Variants in BSPH1 observed in about 807,000 individuals in gnomAD.
BSPH1 encodes binder of sperm protein homolog 1.
A neutral mutation model predicts 22.5 loss-of-function variants in BSPH1; 21 were observed. That is an observed-to-expected ratio of 0.93 (90% CI 0.66 to 1.35). BSPH1 has a LOEUF of 1.35. Among genes scored for constraint, BSPH1 ranks in the 40% most tolerant of loss-of-function variants. BSPH1 has a pLI of 0.00. For missense variants in BSPH1, 141 were observed against 154.2 expected, an observed-to-expected ratio of 0.91 and a Z score of 0.45; for synonymous variants, 42 against 53.6, an observed-to-expected ratio of 0.78 and a Z score of 0.95.
At chr19:47,981,260 T>TG (rs5828323) in intron 1 of BSPH1, among the ~76,000 whole-genome samples, 104,021 of 152,032 alleles carry the variant, frequency 0.68, 36,073 homozygotes, top group African/African-American at 0.79. Context: ...GTTTCTGATA[T>TG]GAACACTATA....
At chr19:47,978,014 A>ATG in intron 3 of BSPH1, among the ~76,000 whole-genome samples, 1 of 144,206 alleles carries the variant, frequency 6.9e-6, no homozygotes, top group Non-Finnish European at 1.5e-5. Context: ...ATATATATAT[A>ATG]TATATATATA....
At chr19:47,980,150 G>C (rs2122250687) in intron 2 of BSPH1, among the ~76,000 whole-genome samples, 1 of 151,982 alleles carries the variant, frequency 6.6e-6, no homozygotes, top group South Asian at 2.1e-4. Flanking sequence ...GTTTTAATTG[G>C]TATGACACTT....
At chr19:47,972,586 T>C (rs1259691385) in intron 5 of BSPH1, among the ~76,000 whole-genome samples, 2 of 152,102 alleles carry the variant, frequency 1.3e-5, no homozygotes, top group African/African-American at 4.8e-5. Context: ...CTTGATATAG[T>C]TACGTGAACC....
intron 1 of BSPH1, among the ~76,000 whole-genome samples, chr19:47,981,407 T>C (rs1314964513): frequency 6.6e-6 from 1 of 152,192 alleles, no homozygotes; most frequent in Non-Finnish European, 1.5e-5. Flanking sequence ...CTCTGAGGTA[T>C]GTAGGAAATG....
At chr19:47,977,243 G>A (rs1438869998) in intron 4 of BSPH1, 130 bp downstream of exon 4, 1 of 661,920 alleles carries the variant, frequency 1.5e-6, no homozygotes, top group Non-Finnish European at 2.5e-6. Flanking sequence ...GTCAGAAATC[G>A]AACATCCTTT....
In BSPH1 at chr19:47,988,958, C is replaced by T. The variant is rs771532375; in HGVS notation, c.73+3051G>A. Among the ~76,000 whole-genome samples, 5 of 151,818 alleles carry T rather than the reference C, an allele frequency of 3.3e-5. No individual in the cohort carries two copies. In the South Asian group the frequency reaches 8.3e-4, roughly 25 times the overall value. On this transcript the variant is annotated intron_variant, in intron 1 of 5. Transcript: ENST00000344839. Reference sequence around the variant, plus strand: ...AGGCGTATAGCTGATTTAGCATGTGCCATACACATGGTCTGTTTCCTCTTC... The same window carrying T: ...AGGCGTATAGCTGATTTAGCATGTGTCATACACATGGTCTGTTTCCTCTTC...
intron 1 of BSPH1, among the ~76,000 whole-genome samples, chr19:47,986,460 C>T (rs771997460): frequency 2.0e-4 from 30 of 152,266 alleles, no homozygotes; most frequent in Non-Finnish European, 5.9e-5. Flanking sequence ...TTTTACTGGT[C>T]AGGCATGGTG....
chr19:47,986,514 G>A (rs1969472589), intron 1 of BSPH1, among the ~76,000 whole-genome samples: 1 of 152,040 alleles, frequency 6.6e-6, no homozygotes, highest in Non-Finnish European at 1.5e-5. Context: ...TGAGCCAGGA[G>A]GACTGCTTGA....
At position 47,977,391 on chromosome 19, in the gene BSPH1, TC is replaced by T. The variant is rs1299015725; in HGVS notation, c.237del (p.Trp79Ter). The T allele has an allele frequency of 1.6e-5, 25 of 1,552,224 alleles. No individual in the cohort carries two copies. The highest frequency in any genetic ancestry group is 3.9e-5 in the Admixed American group (2 of 51,002). ...CACTCACCTTCTGCACTGCAAAACT[TC>T]CAGTATCCTTCGTAGGTCTTGTTTA... ...CSLNKTYEGY[W>X]KFCSAEDFAN... On this transcript the variant is annotated frameshift_variant, in exon 4 of 6. Transcript: ENST00000344839. LOFTEE classifies it high-confidence loss of function.
In BSPH1 at chr19:47,974,269, C is replaced by CTCT. The variant is rs57733472; in HGVS notation, c.*2+2440_*2+2441insAGA. Among the ~76,000 whole-genome samples, 200 of 75,986 alleles carry CTCT rather than the reference C, an allele frequency of 2.6e-3. 3 individuals carry two copies. Among genetic ancestry groups the CTCT allele is most frequent in the African/African-American group, 9.7e-3 (179 of 18,516 alleles). 49.8% of individuals were successfully genotyped at this position (75,986 alleles called of 152,430 possible). A position where few individuals can be genotyped will look rare whatever the true frequency, so the allele number is the denominator to read the frequency against. On this transcript the variant is annotated intron_variant, in intron 5 of 5. Coordinates refer to ENST00000344839, the MANE Select transcript of BSPH1 (RefSeq NM_001128326.2). ...CCACAGCCACTTTCTCTCTCTCTCT[C>CTCT]TTTTTTTTTTTTTTTTTTGAGATGG...
intron 1 of BSPH1, among the ~76,000 whole-genome samples, chr19:47,989,900 C>G (rs2122269143): frequency 6.6e-6 from 1 of 152,094 alleles, no homozygotes; most frequent in East Asian, 1.9e-4. Flanking sequence ...GGGTGAATCA[C>G]CGAAGATCAG....
intron 1 of BSPH1, among the ~76,000 whole-genome samples, chr19:47,991,127 C>T (rs980732616): frequency 1.3e-5 from 2 of 152,108 alleles, no homozygotes; most frequent in African/African-American, 2.4e-5. Flanking sequence ...ATACAGCAGC[C>T]GATGTGCAGG....
At chr19:47,976,640 A>C in intron 5 of BSPH1, 70 bp downstream of exon 5, 1 of 1,308,998 alleles carries the variant, frequency 7.6e-7, no homozygotes, top group Non-Finnish European at 1.1e-6. Flanking sequence ...TCCTCTGCCA[A>C]CAAAAACTCT....
intron 1 of BSPH1, among the ~76,000 whole-genome samples, chr19:47,988,158 C>G (rs767192238): frequency 7.9e-5 from 12 of 152,080 alleles, no homozygotes; most frequent in Non-Finnish European, 1.6e-4. Context: ...TTGCACGATT[C>G]CACTTGTATG....
intron 5 of BSPH1, among the ~76,000 whole-genome samples, chr19:47,972,837 G>A (rs546457880): frequency 6.6e-5 from 10 of 151,566 alleles, no homozygotes; most frequent in Non-Finnish European, 1.3e-4. Context: ...GTGTGTGTGT[G>A]TGTATACCCA....
intron 5 of BSPH1, among the ~76,000 whole-genome samples, chr19:47,972,977 G>A (rs1368763308): frequency 3.3e-5 from 5 of 151,636 alleles, no homozygotes; most frequent in African/African-American, 1.2e-4. Context: ...CAGCACTTTG[G>A]GAGGCCGAGG....
chr19:47,981,780 T>A lies in BSPH1; in HGVS notation c.74-839A>T, dbSNP rs1187399867. 3 of 969,926 alleles carry A rather than the reference T, an allele frequency of 3.1e-6. No homozygotes were observed. The East Asian group carries it at 3.4e-4, about 110-fold the overall frequency. The allele number at this position is 969,926 out of a possible 1,614,324, so 60.1% of individuals were successfully genotyped here. A position where few individuals can be genotyped will look rare whatever the true frequency, so the allele number is the denominator to read the frequency against. ...ACTGCCTGATAGCTTTACTTTTTTT[T>A]TTTCTTAAAGCAGCATTTTTCAACC... On this transcript the variant is annotated intron_variant, in intron 1 of 5. Coordinates refer to ENST00000344839, the MANE Select transcript of BSPH1 (RefSeq NM_001128326.2).
intron 1 of BSPH1, among the ~76,000 whole-genome samples, chr19:47,989,007 T>C (rs1338402638): frequency 6.6e-6 from 1 of 151,520 alleles, no homozygotes; most frequent in Non-Finnish European, 1.5e-5. Context: ...GATCGTGCAC[T>C]AGTGGGAAGA....
chr19:47,972,839 G>A (rs1969322426), intron 5 of BSPH1, among the ~76,000 whole-genome samples: 1 of 151,422 alleles, frequency 6.6e-6, no homozygotes. Flanking sequence ...GTGTGTGTGT[G>A]TATACCCACA....
Sources: allele counts gnomAD v4.1 joint callset (sites outside exome capture counted in the v4.1 genomes callset), GRCh38; gene constraint gnomAD v4.1.1; transcripts MANE v1.5; gene names NCBI Gene and HGNC (gene_info 2026-07-23, HGNC 2026-07-21).